POMZP3: variants seen among roughly 807,000 people sequenced by gnomAD.
POMZP3 encodes POM121 and ZP3 fusion, also known as POM121 and ZP3 fusion protein.
A neutral mutation model predicts 19.8 loss-of-function variants in POMZP3; 10 were observed. The ratio of observed to expected loss-of-function variants is 0.51; its 90% CI spans 0.31 to 0.86. The LOEUF (loss-of-function observed/expected upper bound fraction) is 0.86, where lower values mean the gene tolerates loss of function less well. POMZP3 is among the 40% of genes least tolerant of loss of function. The pLI, the probability that POMZP3 is intolerant of heterozygous loss-of-function variation, is 0.04. For synonymous variants in POMZP3, 57 were observed against 85.8 expected, an observed-to-expected ratio of 0.66 and a Z score of 1.85; for missense variants, 152 against 228.1, an observed-to-expected ratio of 0.67 and a Z score of 2.15.
Position 76,625,695 on chromosome 7 carries a change from G to A in POMZP3, c.66-12C>T, listed in dbSNP as rs374156693. 3.1e-6 allele frequency: 5 copies of A among 1,611,978 alleles called. No homozygotes were observed. Among genetic ancestry groups the A allele is most frequent in the Non-Finnish European group, 4.2e-6 (5 of 1,179,118 alleles). On this transcript the variant is annotated splice_polypyrimidine_tract_variant and intron_variant, in intron 2 of 6. Transcript: ENST00000310842. ...TTATCTGCTCTGGTCTATAATGAAAGACAGGATTCTAGCAGTAAGATATTT... is the reference window on the plus strand; with the variant it reads ...TTATCTGCTCTGGTCTATAATGAAAAACAGGATTCTAGCAGTAAGATATTT...
chr7:76,618,795 G>T (rs1815390462), intron 3 of POMZP3, among the ~76,000 whole-genome samples: 2 of 151,806 alleles, frequency 1.3e-5, no homozygotes, highest in Admixed American at 1.3e-4. Flanking sequence ...AATTGTTAAA[G>T]ATTTTATTTA....
At position 76,611,790 on chromosome 7, in the gene POMZP3, C is replaced by T. The variant is rs779627362; in HGVS notation, c.369G>A (p.Lys123=). ...RNMIYITCHL[K]VTLAEQDPDE... Reference sequence around the variant, plus strand: ...CTGGGTCCTGCTCAGCTAGGGTGACCTTCAGGTGGCAGGTGATGTATATCT... The same window carrying T: ...CTGGGTCCTGCTCAGCTAGGGTGACTTTCAGGTGGCAGGTGATGTATATCT... Residue 123 remains lysine (K), a synonymous_variant, in exon 5 of 7, where the codon AAG becomes AAA. Coordinates refer to ENST00000310842, the MANE Select transcript of POMZP3 (RefSeq NM_012230.5). 20 of 1,580,976 alleles carry T rather than the reference C, an allele frequency of 1.3e-5. No individual in the cohort carries two copies. The highest frequency in any genetic ancestry group is 1.6e-5 in the Non-Finnish European group (19 of 1,158,506).
rs868082239 is a variant in POMZP3 at position 76,621,768 on chromosome 7, A to G, written c.228-3468T>C. ...ATCCTGGCTAACACGGTGAAATCCC[A>G]TCTCTACTAAAAATACAAAAAAGTA... On this transcript the variant is annotated intron_variant, in intron 3 of 6. Coordinates refer to ENST00000310842, the MANE Select transcript of POMZP3 (RefSeq NM_012230.5). Among the ~76,000 whole-genome samples, 14 of 151,746 alleles carry G rather than the reference A, an allele frequency of 9.2e-5. No homozygotes were observed. In the South Asian group the frequency reaches 1.7e-3, roughly 18 times the overall value.
intron 1 of POMZP3, 140 bp downstream of exon 1, chr7:76,626,568 G>A: frequency 1.4e-6 from 1 of 705,388 alleles, no homozygotes; most frequent in Non-Finnish European, 2.2e-6. Context: ...GGAGACGGCT[G>A]GCACACACCA....
At chr7:76,619,441 C>A (rs1219569583) in intron 3 of POMZP3, among the ~76,000 whole-genome samples, 1 of 151,056 alleles carries the variant, frequency 6.6e-6, no homozygotes, top group South Asian at 2.1e-4. Flanking sequence ...GGCAGTATCC[C>A]CACTCCCCAC....
At position 76,625,691 on chromosome 7, in the gene POMZP3, G is replaced by T; in HGVS notation, c.66-8C>A. ...CTGATTATCTGCTCTGGTCTATAAT[G>T]AAAGACAGGATTCTAGCAGTAAGAT... On this transcript the variant is annotated splice_region_variant and splice_polypyrimidine_tract_variant and intron_variant, in intron 2 of 6. Coordinates refer to ENST00000310842, the MANE Select transcript of POMZP3 (RefSeq NM_012230.5). 3.7e-6 allele frequency: 6 copies of T among 1,612,018 alleles called. No individual in the cohort carries two copies. Among genetic ancestry groups the T allele is most frequent in the East Asian group, 2.2e-5 (1 of 44,850 alleles).
chr7:76,611,467 A>G lies in POMZP3; in HGVS notation c.562T>C (p.Ter188GlnextTer23), dbSNP rs761452782. 1 of 1,551,346 alleles carries G rather than the reference A, an allele frequency of 6.4e-7. No individual in the cohort carries two copies. The highest frequency in any genetic ancestry group is 2.3e-5 in the East Asian group (1 of 43,776). Reference protein sequence around the residue: ...VSQWSTSASL* With the variant: ...VSQWSTSASLQ ...TCTATGACATACCATGCCTGCGGTT[A>G]CAGGGAAGCAGACGTGGACCACTGG... Residue 188 changes from the stop codon to glutamine, a stop_lost, in exon 6 of 7, where the codon TAA (stop) becomes CAA (glutamine). Coordinates refer to ENST00000310842, the MANE Select transcript of POMZP3 (RefSeq NM_012230.5).
At chr7:76,615,989 A>AAG (rs1491301888) in intron 4 of POMZP3, among the ~76,000 whole-genome samples, 2 of 23,480 alleles carry the variant, frequency 8.5e-5, no homozygotes, top group Non-Finnish European at 1.4e-4. Context: ...AAAAAAAAAA[A>AAG]GGGGGGGGGG....
chr7:76,613,169 C>A (rs1300111924), intron 4 of POMZP3, among the ~76,000 whole-genome samples: 1 of 70,700 alleles, frequency 1.4e-5, no homozygotes, highest in African/African-American at 5.6e-5. Flanking sequence ...CCTGCCTTGG[C>A]CTCCCAAAGT....
intron 1 of POMZP3, 27 bp downstream of exon 1, chr7:76,626,681 T>C (rs2006268): frequency 0.29 from 401,415 of 1,366,618 alleles, 62,071 homozygotes; most frequent in Middle Eastern, 0.39. Context: ...AGCCAAAGGA[T>C]GATCTGGGAA....
intron 6 of POMZP3, among the ~76,000 whole-genome samples, chr7:76,610,495 TAA>T (rs898459187): frequency 2.0e-5 from 3 of 150,868 alleles, no homozygotes; most frequent in Admixed American, 6.6e-5. Context: ...CTACTGAAAA[TAA>T]AAAAGTTAAC....
In POMZP3 at chr7:76,611,452, A is replaced by G. The variant is rs1815096100; in HGVS notation, c.*11+2T>C. The G allele has an allele frequency of 6.5e-6, 10 of 1,549,040 alleles. No homozygotes were observed. Among genetic ancestry groups the G allele is most frequent in the Non-Finnish European group, 8.7e-6 (10 of 1,147,570 alleles). On this transcript the variant is annotated splice_donor_variant, in intron 6 of 6. Coordinates refer to ENST00000310842, the MANE Select transcript of POMZP3 (RefSeq NM_012230.5). LOFTEE classifies it low-confidence loss of function (3UTR_SPLICE). Reference sequence around the variant, plus strand: ...CAGCCTCTTGGCCATTCTATGACATACCATGCCTGCGGTTACAGGGAAGCA... The same window carrying G: ...CAGCCTCTTGGCCATTCTATGACATGCCATGCCTGCGGTTACAGGGAAGCA...
At chr7:76,622,816 T>C (rs1013323221) in intron 3 of POMZP3, among the ~76,000 whole-genome samples, 52 of 151,788 alleles carry the variant, frequency 3.4e-4, no homozygotes, top group African/African-American at 1.1e-3. Flanking sequence ...GCTGGGATTA[T>C]AGGCTTGAGC....
chr7:76,620,844 C>T (rs1187997753), intron 3 of POMZP3, among the ~76,000 whole-genome samples: 1 of 140,830 alleles, frequency 7.1e-6, no homozygotes, highest in Non-Finnish European at 1.5e-5. Context: ...TGGTTTACTC[C>T]TCAGGGCTGT....
At position 76,626,061 on chromosome 7, in the gene POMZP3, C is replaced by G. The variant is rs1815871670; in HGVS notation, c.4G>C (p.Val2Leu). 7.4e-6 allele frequency: 12 copies of G among 1,613,828 alleles called. No individual in the cohort carries two copies. Among genetic ancestry groups the G allele is most frequent in the Non-Finnish European group, 1.0e-5 (12 of 1,179,750 alleles). ...ATCCTCAGAGTCACTGGGCTACACACCATCCTGGAGTTGCGAGGGGACAGC... is the reference window on the plus strand; with the variant it reads ...ATCCTCAGAGTCACTGGGCTACACAGCATCCTGGAGTTGCGAGGGGACAGC... M[V>L]CSPVTLRIAP... The change falls in exon 2 of 7, where the codon GTG becomes CTG. Residue 2 changes from valine to leucine, a missense_variant. Physicochemically the swap from Val to Leu is conservative, Grantham distance 32. Transcript: ENST00000310842.
In POMZP3 at chr7:76,625,682, G is replaced by T; in HGVS notation, c.67C>A (p.Pro23Thr). 2 of 1,613,154 alleles carry T rather than the reference G, an allele frequency of 1.2e-6. No individual in the cohort carries two copies. The highest frequency in any genetic ancestry group is 1.7e-6 in the Non-Finnish European group (2 of 1,179,598). Residue 23 changes from proline (P) to threonine (T), a missense_variant and splice_region_variant, in exon 3 of 7, where the codon CCA becomes ACA. By Grantham distance (38) the Pro-to-Thr change is conservative (BLOSUM62 -1). Coordinates refer to ENST00000310842, the MANE Select transcript of POMZP3 (RefSeq NM_012230.5). Reference sequence around the variant, plus strand: ...AGTGTTGAGCTGATTATCTGCTCTGGTCTATAATGAAAGACAGGATTCTAG... The same window carrying T: ...AGTGTTGAGCTGATTATCTGCTCTGTTCTATAATGAAAGACAGGATTCTAG... ...PDRRFSRSAIPEQIISSTLSS... is the reference protein window; with the variant it reads ...PDRRFSRSAITEQIISSTLSS...
At chr7:76,622,756 G>C (rs1254811466) in intron 3 of POMZP3, among the ~76,000 whole-genome samples, 1 of 151,836 alleles carries the variant, frequency 6.6e-6, no homozygotes, top group Non-Finnish European at 1.5e-5. Flanking sequence ...GCTCACTGCA[G>C]CCTGGAACTC....
intron 4 of POMZP3, 74 bp from the exon 5 acceptor site, chr7:76,611,887 T>C: frequency 4.6e-6 from 7 of 1,526,974 alleles, no homozygotes; most frequent in Non-Finnish European, 6.2e-6. Flanking sequence ...AGTTCTCTTA[T>C]AACCCTCAAC....
intron 6 of POMZP3, among the ~76,000 whole-genome samples, 160 bp from the exon 7 acceptor site, chr7:76,610,375 G>C (rs1432859542): frequency 6.6e-6 from 1 of 152,126 alleles, no homozygotes; most frequent in Admixed American, 6.6e-5. Context: ...TCTCGGCCAG[G>C]TGTGATGGCT....
Sources: allele counts gnomAD v4.1 joint callset (sites outside exome capture counted in the v4.1 genomes callset), GRCh38; gene constraint gnomAD v4.1.1; transcripts MANE v1.5; gene names NCBI Gene and HGNC (gene_info 2026-07-23, HGNC 2026-07-21).